Variants in ALDH1A2 observed in about 807,000 individuals in gnomAD.
ALDH1A2 encodes the protein aldehyde dehydrogenase 1 family member A2.
Under a neutral mutation model 60.3 loss-of-function variants are expected in ALDH1A2, and 27 were observed. The ratio of observed to expected loss-of-function variants is 0.45; its 90% CI spans 0.33 to 0.62. The LOEUF is 0.62. Among genes scored for constraint, ALDH1A2 ranks in the 20% least tolerant of loss-of-function variants. The pLI, the probability that ALDH1A2 is intolerant of heterozygous loss-of-function variation, is 0.02. For missense variants in ALDH1A2, 581 were observed against 643.8 expected (o/e 0.90, Z 1.06); for synonymous variants, 289 against 232.4 (o/e 1.24, Z -2.21).
At chr15:57,984,139 T>C (rs1894616705) in intron 7 of ALDH1A2, among the ~76,000 whole-genome samples, 1 of 152,196 alleles carries the variant, frequency 6.6e-6, no homozygotes, top group Non-Finnish European at 1.5e-5. Context: ...ATATGGAATA[T>C]AGGCCCTGGG....
At chr15:57,967,933 C>T (rs1893947901) in intron 7 of ALDH1A2, among the ~76,000 whole-genome samples, 1 of 152,140 alleles carries the variant, frequency 6.6e-6, no homozygotes, top group Non-Finnish European at 1.5e-5. Flanking sequence ...GAATCTGGCC[C>T]TCTCTTCTGG....
At chr15:57,963,814 T>G in intron 9 of ALDH1A2, 71 bp downstream of exon 9, 2 of 1,527,246 alleles carry the variant, frequency 1.3e-6, no homozygotes, top group Non-Finnish European at 1.8e-6. Flanking sequence ...TGCTGGGACC[T>G]ACTACAGTGT....
At chr15:57,974,654 C>T (rs925429883) in intron 7 of ALDH1A2, among the ~76,000 whole-genome samples, 4 of 151,874 alleles carry the variant, frequency 2.6e-5, no homozygotes, top group Middle Eastern at 3.2e-3. Context: ...ATGTAAAACA[C>T]AAAACTATAA....
chr15:58,045,345 A>C (rs1051136924), intron 1 of ALDH1A2, among the ~76,000 whole-genome samples: 1 of 152,214 alleles, frequency 6.6e-6, no homozygotes, highest in East Asian at 1.9e-4. Flanking sequence ...TCGACTCCTC[A>C]AGGATCTAGA....
chr15:58,001,543 G>C (rs141596654), intron 4 of ALDH1A2, among the ~76,000 whole-genome samples: 9 of 151,994 alleles, frequency 5.9e-5, no homozygotes, highest in African/African-American at 1.9e-4. Context: ...ACTCGAAATG[G>C]AGACAGTGTT....
intron 1 of ALDH1A2, among the ~76,000 whole-genome samples, chr15:58,050,470 AATTC>A (rs1471002313): frequency 2.6e-5 from 4 of 152,180 alleles, no homozygotes; most frequent in Non-Finnish European, 4.4e-5. Flanking sequence ...CTAAAAAACT[AATTC>A]ATTATTTACT....
At chr15:58,037,319 C>T (rs144663281) in intron 1 of ALDH1A2, among the ~76,000 whole-genome samples, 137 of 151,586 alleles carry the variant, frequency 9.0e-4, no homozygotes, top group African/African-American at 2.8e-3. Context: ...ATTAACCACA[C>T]ATTTAGGAAG....
intron 1 of ALDH1A2, among the ~76,000 whole-genome samples, chr15:58,027,570 G>C (rs1420665400): frequency 6.6e-6 from 1 of 152,138 alleles, no homozygotes; most frequent in African/African-American, 2.4e-5. Flanking sequence ...ACAGAAGTAG[G>C]CTTCAGAAGG....
At chr15:58,049,069 C>T (rs1896708765) in intron 1 of ALDH1A2, among the ~76,000 whole-genome samples, 2 of 152,068 alleles carry the variant, frequency 1.3e-5, no homozygotes, top group African/African-American at 4.8e-5. Context: ...TGAATGGAAT[C>T]ACATAGTAAG....
intron 1 of ALDH1A2, among the ~76,000 whole-genome samples, chr15:58,035,839 C>T (rs531065843): frequency 2.6e-5 from 4 of 151,566 alleles, no homozygotes; most frequent in Non-Finnish European, 4.4e-5. Context: ...GTCTATCTTG[C>T]TGAATGCTTT....
chr15:58,030,492 C>G (rs1342878742), intron 1 of ALDH1A2, among the ~76,000 whole-genome samples: 1 of 152,114 alleles, frequency 6.6e-6, no homozygotes, highest in Non-Finnish European at 1.5e-5. Flanking sequence ...GACAAGGATG[C>G]CCTCCCTCAC....
intron 5 of ALDH1A2, among the ~76,000 whole-genome samples, chr15:57,994,281 T>C (rs2140492896): frequency 6.6e-6 from 1 of 152,352 alleles, no homozygotes; most frequent in Admixed American, 6.5e-5. Flanking sequence ...CTGGGATTCA[T>C]CAATTATTCA....
intron 3 of ALDH1A2, chr15:58,012,202 G>C (rs775783602): frequency 6.6e-6 from 1 of 152,064 alleles, no homozygotes; most frequent in Non-Finnish European, 1.5e-5. Context: ...TTTATTATAT[G>C]AAAATATAAC....
chr15:57,964,300 A>G, intron 8 of ALDH1A2: 1 of 543,742 alleles, frequency 1.8e-6, no homozygotes, highest in Non-Finnish European at 3.3e-6. Context: ...AAACAGAGGT[A>G]CTGAACCTCG....
At chr15:58,029,525 G>A (rs1468679208) in intron 1 of ALDH1A2, among the ~76,000 whole-genome samples, 3 of 150,338 alleles carry the variant, frequency 2.0e-5, no homozygotes, top group Non-Finnish European at 4.4e-5. Context: ...GCTAGCAGAA[G>A]GCAAGAAATA....
At chr15:57,992,213 C>T (rs1433735598) in intron 7 of ALDH1A2, among the ~76,000 whole-genome samples, 2 of 152,136 alleles carry the variant, frequency 1.3e-5, no homozygotes, top group African/African-American at 2.4e-5. Flanking sequence ...ACAGAGACCA[C>T]GTTGCCTCCA....
Position 58,003,713 on chromosome 15 carries a change from G to C in ALDH1A2, c.493+6936C>G, listed in dbSNP as rs139725946. 8.8e-4 allele frequency among the ~76,000 whole-genome samples: 134 copies of C among 152,014 alleles called. 1 individual carries two copies. The highest frequency in any genetic ancestry group is 2.9e-3 in the African/African-American group (122 of 41,516). ...TTCATCACAAAGAGGTTGTAGACGT[G>C]AGAGAAGAGGATTTGAATACAGGTT... is the stretch of plus-strand genomic sequence containing the variant. On this transcript the variant is annotated intron_variant, in intron 4 of 12. Coordinates refer to ENST00000249750, the MANE Select transcript of ALDH1A2 (RefSeq NM_003888.4).
At chr15:58,010,905 T>C (rs1895614910) in intron 3 of ALDH1A2, 127 bp from the exon 4 acceptor site, 1 of 1,241,382 alleles carries the variant, frequency 8.1e-7, no homozygotes, top group East Asian at 2.5e-5. Flanking sequence ...CCTGGTCAAC[T>C]ATGAATTCTC....
intron 1 of ALDH1A2, among the ~76,000 whole-genome samples, chr15:58,023,029 G>T (rs376900267): frequency 1.4e-4 from 22 of 152,220 alleles, no homozygotes; most frequent in African/African-American, 3.9e-4. Context: ...CCCAGATAAA[G>T]AATTCAAAAT....
Sources: gnomAD v4.1 joint callset for allele counts (sites outside exome capture counted in the v4.1 genomes callset) on GRCh38, gnomAD v4.1.1 for gene constraint, MANE v1.5 for transcripts, NCBI Gene and HGNC (gene_info 2026-07-23, HGNC 2026-07-21) for gene names.